The following PGAM2 variants were observed in gnomAD, a reference collection of about 807,000 sequenced individuals.
PGAM2 encodes the protein BPG-dependent PGAM 2.
In PGAM2, 23 loss-of-function variants were observed where a neutral mutation model predicts 22.5. That is an observed-to-expected ratio of 1.02 (90% confidence interval 0.74 to 1.45). The LOEUF (loss-of-function observed/expected upper bound fraction) is 1.45, where lower values mean the gene tolerates loss of function less well. Among genes scored for constraint, PGAM2 ranks in the 40% most tolerant of loss-of-function variants. The pLI is 0.00. For missense variants in PGAM2, 349 were observed against 356.2 expected (o/e 0.98, Z 0.16); for synonymous variants, 133 against 138.6 (o/e 0.96, Z 0.29).
intron 2 of PGAM2, 55 bp downstream of exon 2, chr7:44,064,777 G>A: frequency 6.9e-7 from 1 of 1,458,096 alleles, no homozygotes; most frequent in Non-Finnish European, 9.4e-7. Context: ...GAGATGAGAA[G>A]CCAGCTGGGG....
chr7:44,064,739 G>A (rs1460864386), intron 2 of PGAM2, 93 bp downstream of exon 2: 4 of 1,131,542 alleles, frequency 3.5e-6, no homozygotes, highest in Non-Finnish European at 5.1e-6. Flanking sequence ...CGCCTAGAAA[G>A]CCTGGTCCAT....
chr7:44,064,793 G>GGCCCCCCCCCCCCCCCCCCCCCC, intron 2 of PGAM2, 39 bp downstream of exon 2: 5 of 1,136,968 alleles, frequency 4.4e-6, no homozygotes, highest in East Asian at 2.5e-5. Flanking sequence ...TGGGGCTGCT[G>GGCCCCCCCCCCCCCCCCCCCCCC]CCCACCCACC....
Position 44,065,232 on chromosome 7 carries a change from T to C in PGAM2, c.298A>G (p.Lys100Glu), listed in dbSNP as rs778853009. Residue 100 changes from lysine to glutamate, a missense_variant, in exon 1 of 3, where the codon AAG becomes GAG. Transcript: ENST00000297283. Reference protein sequence around the residue: ...RHYGGLTGLNKAETAAKHGEE... With the variant: ...RHYGGLTGLNEAETAAKHGEE... ...CCGTGCTTGGCGGCCGTTTCTGCCT[T>C]GTTGAGGCCTGTGAGGCCCCCGTAA... 2 of 1,613,876 alleles carry C rather than the reference T, an allele frequency of 1.2e-6. No homozygotes were observed. The highest frequency in any genetic ancestry group is 1.7e-6 in the Non-Finnish European group (2 of 1,180,040).
In PGAM2 at chr7:44,065,303, T is replaced by G. The variant is rs2096157619; in HGVS notation, c.227A>C (p.Gln76Pro). 1.2e-6 allele frequency: 2 copies of G among 1,613,702 alleles called. No homozygotes were observed. Among genetic ancestry groups the G allele is most frequent in the Non-Finnish European group, 8.5e-7 (1 of 1,180,024 alleles). Residue 76 changes from glutamine to proline, a missense_variant, in exon 1 of 3, where the codon CAG becomes CCG. Transcript: ENST00000297283. ...TLWAILDGTD[Q>P]MWLPVVRTWR... ...AGTGCGCACCACAGGCAGCCACATC[T>G]GGTCCGTGCCGTCCAGGATGGCCCA...
At position 44,065,250 on chromosome 7, in the gene PGAM2, C is replaced by G; in HGVS notation, c.280G>C (p.Gly94Arg). 1 of 1,613,866 alleles carries G rather than the reference C, an allele frequency of 6.2e-7. No individual in the cohort carries two copies. The highest frequency in any genetic ancestry group is 1.1e-5 in the South Asian group (1 of 91,084). The change falls in exon 1 of 3, where the codon GGC (glycine) becomes CGC (arginine). Residue 94 changes from glycine (G) to arginine (R), a missense_variant. Physicochemically the swap from Gly to Arg is moderately radical, Grantham distance 125 (BLOSUM62 -2). Coordinates refer to ENST00000297283, the MANE Select transcript of PGAM2 (RefSeq NM_000290.4). ...TCTGCCTTGTTGAGGCCTGTGAGGC[C>G]CCCGTAATGCCGCTCATTGAGGCGC... is the stretch of plus-strand genomic sequence containing the variant. ...TWRLNERHYG[G>R]LTGLNKAETA...
In PGAM2 at chr7:44,062,762, CCT is replaced by C; in HGVS notation, c.762_*1del. The C allele has an allele frequency of 6.2e-7, 1 of 1,614,082 alleles. No homozygotes were observed. Among genetic ancestry groups the C allele is most frequent in the Non-Finnish European group, 8.5e-7 (1 of 1,179,990 alleles). On this transcript the variant is annotated stop_lost and 3_prime_UTR_variant, in exon 3 of 3. Coordinates refer to ENST00000297283, the MANE Select transcript of PGAM2 (RefSeq NM_000290.4). ...GGTGCCTTTATTGCCCAAGCCCACC[CCT>C]CACTTGGCCTTGCCCTGGGCAGCCA...
At position 44,062,925 on chromosome 7, in the gene PGAM2, AC is replaced by A; in HGVS notation, c.600del (p.Met200IlefsTer9). The stretch of plus-strand genomic sequence containing the variant: ...TTCAGCTCCATGATCGCCTGGTCTG[AC>A]ATCCCTATGCCGGAAGGAATAGGTG... ...LRGIVKHLEG[M>X]SDQAIMELNL... On this transcript the variant is annotated frameshift_variant, in exon 3 of 3. Coordinates refer to ENST00000297283, the MANE Select transcript of PGAM2 (RefSeq NM_000290.4). LOFTEE classifies it high-confidence loss of function. The A allele has an allele frequency of 6.2e-7, 1 of 1,614,166 alleles. No homozygotes were observed. Among genetic ancestry groups the A allele is most frequent in the Non-Finnish European group, 8.5e-7 (1 of 1,180,010 alleles).
At chr7:44,064,810 AG>A in intron 2 of PGAM2, 21 bp downstream of exon 2, 11 of 610,314 alleles carry the variant, frequency 1.8e-5, no homozygotes, top group Non-Finnish European at 2.3e-5. Context: ...CACCCTGCCC[AG>A]GCTCCTGAAG....
At chr7:44,064,514 A>G in intron 2 of PGAM2, 1 of 408,494 alleles carries the variant, frequency 2.4e-6, no homozygotes, top group South Asian at 2.2e-5. Flanking sequence ...TGGGATTTGG[A>G]GCCAGATGCT....
rs757132071 is a variant in PGAM2 at position 44,065,458 on chromosome 7, G to C, written c.72C>G (p.Gly24=). 1 of 1,614,128 alleles carries C rather than the reference G, an allele frequency of 6.2e-7. No homozygotes were observed. The highest frequency in any genetic ancestry group is 1.1e-5 in the South Asian group (1 of 91,086). ...TTTCACTCAGCTCTGCATCGAACCA[G>C]CCACAGAAACGGTTCTCCTGGTTCC... ...STWNQENRFC[G]WFDAELSEKG... Residue 24 remains glycine, a synonymous_variant, in exon 1 of 3, where the codon GGC becomes GGG. Coordinates refer to ENST00000297283, the MANE Select transcript of PGAM2 (RefSeq NM_000290.4).
chr7:44,064,758 G>T, intron 2 of PGAM2, 74 bp downstream of exon 2: 2 of 1,328,918 alleles, frequency 1.5e-6, no homozygotes, highest in Non-Finnish European at 1.0e-6. Flanking sequence ...ATGGGCGAGA[G>T]ACTTTGCTGA....
intron 2 of PGAM2, 184 bp from the exon 3 acceptor site, chr7:44,063,114 C>CTA (rs1446146921): frequency 1.5e-6 from 1 of 664,062 alleles, no homozygotes; most frequent in African/African-American, 1.8e-5. Context: ...ACCAAGCAGC[C>CTA]TACAGAAATA....
At chr7:44,064,783 T>A in intron 2 of PGAM2, 49 bp downstream of exon 2, 1 of 1,466,154 alleles carries the variant, frequency 6.8e-7, no homozygotes, top group South Asian at 1.2e-5. Context: ...AGAAGCCAGC[T>A]GGGGCTGCTG....
In PGAM2 at chr7:44,065,562, G is replaced by C; in HGVS notation, c.-33C>G. The C allele has an allele frequency of 1.2e-6, 2 of 1,603,710 alleles. No homozygotes were observed. Among genetic ancestry groups the C allele is most frequent in the East Asian group, 2.2e-5 (1 of 44,812 alleles). On this transcript the variant is annotated 5_prime_UTR_variant, in exon 1 of 3. Coordinates refer to ENST00000297283, the MANE Select transcript of PGAM2 (RefSeq NM_000290.4). ...GCAGGGACCACAGAGGACTCTGGACGGGGACGGCTGCTTCCCAACACTCCC... is the reference window on the plus strand; with the variant it reads ...GCAGGGACCACAGAGGACTCTGGACCGGGACGGCTGCTTCCCAACACTCCC...
chr7:44,064,695 G>A (rs1562660825), intron 2 of PGAM2, 137 bp downstream of exon 2: 1 of 794,208 alleles, frequency 1.3e-6, no homozygotes, highest in Non-Finnish European at 2.0e-6. Context: ...TGGCTTCTCA[G>A]CCCTCCTTTT....
At position 44,065,501 on chromosome 7, in the gene PGAM2, C is replaced by A. The variant is rs770104295; in HGVS notation, c.29G>T (p.Arg10Leu). The change falls in exon 1 of 3, where the codon CGG becomes CTG. Residue 10 changes from arginine to leucine, a missense_variant. Physicochemically the swap from Arg to Leu is moderately radical, Grantham distance 102 (BLOSUM62 -2). Transcript: ENST00000297283. MATHRLVMV[R>L]HGESTWNQEN... ...CTGGTTCCATGTGCTCTCGCCGTGCCGGACCATCACGAGGCGGTGAGTGGC... is the reference window on the plus strand; with the variant it reads ...CTGGTTCCATGTGCTCTCGCCGTGCAGGACCATCACGAGGCGGTGAGTGGC... 4 of 1,613,928 alleles carry A rather than the reference C, an allele frequency of 2.5e-6. No individual in the cohort carries two copies. The highest frequency in any genetic ancestry group is 8.5e-7 in the Non-Finnish European group (1 of 1,180,046).
At chr7:44,063,062 G>A (rs1342993919) in intron 2 of PGAM2, 132 bp from the exon 3 acceptor site, 6 of 972,154 alleles carry the variant, frequency 6.2e-6, no homozygotes, top group Non-Finnish European at 9.7e-6. Flanking sequence ...TGAGAACGAG[G>A]CCACAGAAAT....
Position 44,065,464 on chromosome 7 carries a change from G to GA in PGAM2, c.65dup (p.Cys23LeufsTer10), listed in dbSNP as rs763369740. 1 of 1,614,012 alleles carries GA rather than the reference G, an allele frequency of 6.2e-7. No individual in the cohort carries two copies. Among genetic ancestry groups the GA allele is most frequent in the African/African-American group, 1.3e-5 (1 of 74,944 alleles). The stretch of plus-strand genomic sequence containing the variant: ...TCAGCTCTGCATCGAACCAGCCACA[G>GA]AAACGGTTCTCCTGGTTCCATGTGC... On this transcript the variant is annotated frameshift_variant, in exon 1 of 3. Coordinates refer to ENST00000297283, the MANE Select transcript of PGAM2 (RefSeq NM_000290.4). LOFTEE classifies it high-confidence loss of function.
In PGAM2 at chr7:44,065,167, G is replaced by A. The variant is rs768642477; in HGVS notation, c.363C>T (p.Ile121=). The A allele has an allele frequency of 5.0e-6, 8 of 1,613,818 alleles. No individual in the cohort carries two copies. The African/African-American group carries it at 8.0e-5, about 16-fold the overall frequency. ...QVKIWRRSFD[I]PPPPMDEKHP... is the part of the protein sequence containing the mutation. ...GCTTCTCGTCCATCGGGGGCGGCGG[G>A]ATGTCGAAGGAGCGCCTCCAGATCT... The change falls in exon 1 of 3, where the codon ATC becomes ATT. Residue 121 remains isoleucine, a synonymous_variant. Coordinates refer to ENST00000297283, the MANE Select transcript of PGAM2 (RefSeq NM_000290.4).
Sources: gnomAD v4.1 joint callset for allele counts on GRCh38, gnomAD v4.1.1 for gene constraint, MANE v1.5 for transcripts, NCBI Gene and HGNC (gene_info 2026-07-23, HGNC 2026-07-21) for gene names.